DNAJC15: variants seen among roughly 807,000 people sequenced by gnomAD.
DNAJC15 encodes DnaJ heat shock protein family (Hsp40) member C15.
A neutral mutation model predicts 22.4 loss-of-function variants in DNAJC15; 27 were observed. The observed-to-expected ratio is 1.20, with a 90% CI of 0.89 to 1.66. The LOEUF (loss-of-function observed/expected upper bound fraction) is 1.66, where lower values mean the gene tolerates loss of function less well. DNAJC15 is among the 40% of genes most tolerant of loss of function. DNAJC15 has a pLI of 0.00. For synonymous variants in DNAJC15, 79 were observed against 63.2 expected (o/e 1.25, Z -1.19); for missense variants, 208 against 187.1 (o/e 1.11, Z -0.65).
At chr13:43,094,589 T>G (rs1418134850) in intron 5 of DNAJC15, among the ~76,000 whole-genome samples, 1 of 152,232 alleles carries the variant, frequency 6.6e-6, no homozygotes, top group Non-Finnish European at 1.5e-5. Context: ...AAAACTTTAC[T>G]ATGCTTTTCA....
chr13:43,102,311 T>C (rs1477583586), intron 5 of DNAJC15, among the ~76,000 whole-genome samples: 2 of 152,210 alleles, frequency 1.3e-5, no homozygotes, highest in Non-Finnish European at 2.9e-5. Flanking sequence ...TTTGAGTTTC[T>C]TGTAGATTCT....
rs527625899 is a variant in DNAJC15 at position 43,055,445 on chromosome 13, C to A, written c.109-10241C>A. Among the ~76,000 whole-genome samples, 11 of 152,230 alleles carry A rather than the reference C, an allele frequency of 7.2e-5. No homozygotes were observed. In the South Asian group the frequency reaches 8.3e-4, roughly 12 times the overall value. On this transcript the variant is annotated intron_variant, in intron 1 of 5. Coordinates refer to ENST00000379221, the MANE Select transcript of DNAJC15 (RefSeq NM_013238.3). ...CCCATCTCTTCAAGGGAGAGCTGTTCTTTCTTTTTGCCTATTCAACTTTGC... is the reference window on the plus strand; with the variant it reads ...CCCATCTCTTCAAGGGAGAGCTGTTATTTCTTTTTGCCTATTCAACTTTGC...
At chr13:43,100,513 G>A (rs973599989) in intron 5 of DNAJC15, among the ~76,000 whole-genome samples, 16 of 152,074 alleles carry the variant, frequency 1.1e-4, no homozygotes, top group Admixed American at 4.6e-4. Context: ...GTGCCCAGCC[G>A]TCTTCTTTTT....
At chr13:43,097,769 C>T (rs1371917960) in intron 5 of DNAJC15, among the ~76,000 whole-genome samples, 1 of 152,076 alleles carries the variant, frequency 6.6e-6, no homozygotes, top group Non-Finnish European at 1.5e-5. Flanking sequence ...GAAACCCCAT[C>T]TCTATTAAAA....
intron 1 of DNAJC15, among the ~76,000 whole-genome samples, chr13:43,033,955 G>C (rs2040415420): frequency 6.6e-6 from 1 of 151,428 alleles, no homozygotes; most frequent in Admixed American, 6.6e-5. Flanking sequence ...TTGATCCTGG[G>C]AGGCGGAGGT....
intron 1 of DNAJC15, 21 bp from the exon 2 acceptor site, chr13:43,065,665 T>TAA: frequency 6.2e-7 from 1 of 1,600,148 alleles, no homozygotes; most frequent in Admixed American, 1.7e-5. Context: ...TCATAAGTAA[T>TAA]ATTCATTTTT....
chr13:43,069,975 TATTG>T (rs2040601196), intron 3 of DNAJC15, among the ~76,000 whole-genome samples: 2 of 152,218 alleles, frequency 1.3e-5, no homozygotes, highest in African/African-American at 4.8e-5. Flanking sequence ...ATTTATAATT[TATTG>T]GAGGACAGAA....
intron 5 of DNAJC15, among the ~76,000 whole-genome samples, chr13:43,093,236 T>C (rs1050212541): frequency 6.6e-6 from 1 of 152,148 alleles, no homozygotes; most frequent in African/African-American, 2.4e-5. Flanking sequence ...TATTTGGTTT[T>C]CAGGCCTTCT....
At chr13:43,026,562 A>G (rs73187962) in intron 1 of DNAJC15, among the ~76,000 whole-genome samples, 27 of 152,332 alleles carry the variant, frequency 1.8e-4, no homozygotes, top group Admixed American at 2.6e-4. Flanking sequence ...GGAACTTGGA[A>G]GTACTGAAAG....
chr13:43,085,167 G>A (rs1056744560), intron 4 of DNAJC15, among the ~76,000 whole-genome samples: 1 of 152,084 alleles, frequency 6.6e-6, no homozygotes, highest in Non-Finnish European at 1.5e-5. Flanking sequence ...TTCGAGACCA[G>A]CCTGGACAAC....
intron 5 of DNAJC15, among the ~76,000 whole-genome samples, chr13:43,093,656 C>T (rs2040725906): frequency 6.6e-6 from 1 of 152,196 alleles, no homozygotes; most frequent in Non-Finnish European, 1.5e-5. Flanking sequence ...CTCAAGCCGT[C>T]CTGCCACCTT....
chr13:43,075,445 GTAAA>G (rs1181854653), intron 3 of DNAJC15, among the ~76,000 whole-genome samples: 2 of 152,090 alleles, frequency 1.3e-5, no homozygotes, highest in African/African-American at 4.8e-5. Flanking sequence ...GCTCCCTAAG[GTAAA>G]TAAAGACTCA....
chr13:43,029,188 TC>T (rs1176928093), intron 1 of DNAJC15, among the ~76,000 whole-genome samples: 3 of 152,358 alleles, frequency 2.0e-5, no homozygotes, highest in South Asian at 2.1e-4. Context: ...CACTGCTTTT[TC>T]CCCAGAACTT....
chr13:43,097,242 A>G lies in DNAJC15; in HGVS notation c.383-9936A>G, dbSNP rs540444824. 3.3e-5 allele frequency among the ~76,000 whole-genome samples: 5 copies of G among 152,342 alleles called. No homozygotes were observed. The South Asian group carries it at 1.0e-3, about 32-fold the overall frequency. ...TAATATTTGAGCAGAGACCTAAGGC[A>G]GTAAGTCATGCAAAATGAAGAAAGA... On this transcript the variant is annotated intron_variant, in intron 5 of 5. Coordinates refer to ENST00000379221, the MANE Select transcript of DNAJC15 (RefSeq NM_013238.3).
At chr13:43,068,622 AT>A (rs900629001) in intron 2 of DNAJC15, among the ~76,000 whole-genome samples, 2 of 151,696 alleles carry the variant, frequency 1.3e-5, no homozygotes, top group South Asian at 2.1e-4. Context: ...CTAGGATGTT[AT>A]TTTTTTTGTG....
chr13:43,076,026 A>G (rs889120987), intron 3 of DNAJC15, among the ~76,000 whole-genome samples: 8 of 152,068 alleles, frequency 5.3e-5, no homozygotes, highest in African/African-American at 1.4e-4. Context: ...ATATATGTGC[A>G]TACTCTCTAT....
chr13:43,037,097 A>AGC (rs1278362382), intron 1 of DNAJC15, among the ~76,000 whole-genome samples: 4 of 152,282 alleles, frequency 2.6e-5, no homozygotes, highest in Admixed American at 2.0e-4. Context: ...CTGAATGTCC[A>AGC]GCCCCCATGG....
intron 5 of DNAJC15, among the ~76,000 whole-genome samples, chr13:43,092,126 C>T (rs1403636441): frequency 6.6e-6 from 1 of 152,052 alleles, no homozygotes; most frequent in African/African-American, 2.4e-5. Context: ...TTGTCTGTTT[C>T]TTCATTTAGA....
intron 1 of DNAJC15, among the ~76,000 whole-genome samples, chr13:43,030,526 T>A (rs1184876481): frequency 2.0e-5 from 3 of 152,216 alleles, no homozygotes; most frequent in Non-Finnish European, 4.4e-5. Flanking sequence ...TTGGAGCAAA[T>A]TTAAATGCCC....
Sources: gnomAD v4.1 joint callset for allele counts (sites outside exome capture counted in the v4.1 genomes callset) on GRCh38, gnomAD v4.1.1 for gene constraint, MANE v1.5 for transcripts, NCBI Gene and HGNC (gene_info 2026-07-23, HGNC 2026-07-21) for gene names.